GTF2IRD1: variants seen among roughly 807,000 people sequenced by gnomAD.
GTF2IRD1 encodes the protein GTF2I repeat domain containing 1.
A neutral mutation model predicts 113.2 loss-of-function variants in GTF2IRD1; 26 were observed. The ratio of observed to expected loss-of-function variants is 0.23; its 90% CI spans 0.17 to 0.32. The LOEUF (loss-of-function observed/expected upper bound fraction) is 0.32. GTF2IRD1 is among the 10% of genes least tolerant of loss of function. The pLI is 1.00. For synonymous variants in GTF2IRD1, 484 were observed against 529.1 expected, an observed-to-expected ratio of 0.91 and a Z score of 1.17; for missense variants, 864 against 1,280.8, an observed-to-expected ratio of 0.67 and a Z score of 4.97.
chr7:74,460,027 G>A (rs1793259469), intron 1 of GTF2IRD1, among the ~76,000 whole-genome samples: 1 of 151,862 alleles, frequency 6.6e-6, no homozygotes, highest in Non-Finnish European at 1.5e-5. Context: ...CCAGGCTGGA[G>A]TGCAGTGGCA....
chr7:74,508,305 C>T (rs1796415408), intron 2 of GTF2IRD1, 102 bp downstream of exon 2: 4 of 1,285,668 alleles, frequency 3.1e-6, no homozygotes, highest in Non-Finnish European at 4.3e-6. Flanking sequence ...CTTTCACTGA[C>T]CTGAACCTCA....
intron 6 of GTF2IRD1, among the ~76,000 whole-genome samples, chr7:74,520,352 C>T (rs1797210875): frequency 6.6e-6 from 1 of 152,018 alleles, no homozygotes; most frequent in Non-Finnish European, 1.5e-5. Flanking sequence ...GGATTCATAT[C>T]CTGGCTCCTC....
chr7:74,511,242 C>A (rs1282221511), intron 2 of GTF2IRD1, among the ~76,000 whole-genome samples: 1 of 152,134 alleles, frequency 6.6e-6, no homozygotes, highest in East Asian at 1.9e-4. Flanking sequence ...TAACTTAAGT[C>A]CAGCCTCCTC....
chr7:74,591,675 C>T (rs1554369720), intron 24 of GTF2IRD1, among the ~76,000 whole-genome samples: 1 of 152,158 alleles, frequency 6.6e-6, no homozygotes, highest in Non-Finnish European at 1.5e-5. Context: ...CCACTGCACC[C>T]AGCCTGCATT....
At chr7:74,538,225 C>T (rs1554350717) in intron 12 of GTF2IRD1, 52 bp downstream of exon 12, 3 of 1,563,164 alleles carry the variant, frequency 1.9e-6, no homozygotes, top group Non-Finnish European at 2.6e-6. Flanking sequence ...AGGGCAACCA[C>T]CAGCCCTACC....
At chr7:74,574,794 A>G (rs1800922793) in intron 22 of GTF2IRD1, among the ~76,000 whole-genome samples, 2 of 151,940 alleles carry the variant, frequency 1.3e-5, no homozygotes, top group African/African-American at 2.4e-5. Flanking sequence ...TGATTAAAAA[A>G]AAAAAAAAAC....
chr7:74,459,511 GGATGTACTTTA>G (rs1793222724), intron 1 of GTF2IRD1, among the ~76,000 whole-genome samples: 1 of 152,004 alleles, frequency 6.6e-6, no homozygotes. Flanking sequence ...AAATGGGTGA[GGATGTACTTTA>G]TCTTACACGG....
At chr7:74,566,722 G>T (rs1800342423) in intron 22 of GTF2IRD1, among the ~76,000 whole-genome samples, 1 of 152,212 alleles carries the variant, frequency 6.6e-6, no homozygotes, top group Non-Finnish European at 1.5e-5. Flanking sequence ...CTTATTGGAG[G>T]GGACTGAGGC....
At chr7:74,485,435 G>T (rs1400463820) in intron 1 of GTF2IRD1, among the ~76,000 whole-genome samples, 14 of 151,794 alleles carry the variant, frequency 9.2e-5, no homozygotes, top group African/African-American at 3.4e-4. Context: ...GGCTAACACG[G>T]TGAAACCCCG....
chr7:74,515,764 G>A, intron 4 of GTF2IRD1, among the ~76,000 whole-genome samples, 168 bp downstream of exon 4: 1 of 152,102 alleles, frequency 6.6e-6, no homozygotes, highest in East Asian at 1.9e-4. Flanking sequence ...TGCATTCCCA[G>A]ACACAGAAGT....
intron 22 of GTF2IRD1, among the ~76,000 whole-genome samples, chr7:74,585,952 T>C (rs1801692740): frequency 6.6e-6 from 1 of 151,528 alleles, no homozygotes; most frequent in African/African-American, 2.4e-5. Context: ...GGGCTCATGG[T>C]AGAGTGGAAA....
chr7:74,543,886 A>AAAAC (rs1562854684), intron 14 of GTF2IRD1, among the ~76,000 whole-genome samples: 4 of 148,488 alleles, frequency 2.7e-5, no homozygotes, highest in African/African-American at 9.8e-5. Context: ...AAAAAAAAAA[A>AAAAC]AAAAAAAAAA....
intron 17 of GTF2IRD1, among the ~76,000 whole-genome samples, chr7:74,550,427 GA>G (rs34025078): frequency 3.0e-4 from 44 of 145,244 alleles, no homozygotes; most frequent in Middle Eastern, 4.0e-3. Flanking sequence ...CATCTCTAGG[GA>G]AAAAAAAAAA....
At chr7:74,474,988 G>C (rs1208718583) in intron 1 of GTF2IRD1, among the ~76,000 whole-genome samples, 1 of 152,108 alleles carries the variant, frequency 6.6e-6, no homozygotes, top group East Asian at 1.9e-4. Context: ...CAGGTATGGT[G>C]GTGTGTGCCT....
rs372881194 is a variant in GTF2IRD1 at position 74,515,637 on chromosome 7, G to T, written c.421+41G>T. The T allele has an allele frequency of 5.0e-5, 79 of 1,574,102 alleles. 1 individual carries two copies. In the East Asian group the frequency reaches 1.3e-3, roughly 27 times the overall value. On this transcript the variant is annotated intron_variant, in intron 4 of 26. Transcript: ENST00000424337. ...ATTCCATTTGGGGGCCCCAGGGAGG[G>T]TGGGAGCCTCGGTCCCCACCCAGCA... is the stretch of plus-strand genomic sequence containing the variant.
intron 22 of GTF2IRD1, among the ~76,000 whole-genome samples, chr7:74,589,363 A>G (rs587614072): frequency 4.2e-4 from 63 of 151,766 alleles, no homozygotes; most frequent in South Asian, 3.1e-3. Flanking sequence ...TGTCTCAAAA[A>G]AAGAAAAATG....
intron 9 of GTF2IRD1, among the ~76,000 whole-genome samples, chr7:74,533,077 C>T (rs1182926808): frequency 6.6e-6 from 1 of 151,580 alleles, no homozygotes; most frequent in Non-Finnish European, 1.5e-5. Flanking sequence ...CCCGCCCTCT[C>T]AGACTCTCAG....
intron 11 of GTF2IRD1, 106 bp downstream of exon 11, chr7:74,536,381 C>A: frequency 1.5e-6 from 1 of 651,684 alleles, no homozygotes. Context: ...CACACCACCA[C>A]CCCTCGAAGG....
At position 74,521,220 on chromosome 7, in the gene GTF2IRD1, C is replaced by A; in HGVS notation, c.929C>A (p.Thr310Asn). The change falls in exon 7 of 27, where the codon ACT becomes AAT. Residue 310 changes from threonine to asparagine, a missense_variant. This residue lies in a region of GTF2IRD1 where 195 missense variants were observed against 196.6 expected (regional missense o/e 0.99). Coordinates refer to ENST00000424337, the MANE Select transcript of GTF2IRD1 (RefSeq NM_005685.4). ...DFSDCCGQKPTGPGGPLIQNV... is the reference protein window; with the variant it reads ...DFSDCCGQKPNGPGGPLIQNV... Reference sequence around the variant, plus strand: ...CTCCCTTGTCCAGGACAGAAGCCCACTGGGCCTGGTGGGCCTCTCATCCAG... The same window carrying A: ...CTCCCTTGTCCAGGACAGAAGCCCAATGGGCCTGGTGGGCCTCTCATCCAG... The A allele has an allele frequency of 6.2e-7, 1 of 1,601,598 alleles. No homozygotes were observed. The highest frequency in any genetic ancestry group is 8.6e-7 in the Non-Finnish European group (1 of 1,168,978).
Sources: allele counts gnomAD v4.1 joint callset (sites outside exome capture counted in the v4.1 genomes callset), GRCh38; gene constraint gnomAD v4.1.1; regional missense constraint gnomAD v4.1.1; transcripts MANE v1.5; gene names NCBI Gene and HGNC (gene_info 2026-07-23, HGNC 2026-07-21).